The following IFI16 variants were observed in gnomAD, a reference collection of about 807,000 sequenced individuals.
IFI16 encodes interferon gamma inducible protein 16.
Under a neutral mutation model 68.4 loss-of-function variants are expected in IFI16, and 49 were observed. The observed-to-expected ratio is 0.72, with a 90% CI of 0.57 to 0.91. The LOEUF (loss-of-function observed/expected upper bound fraction) is 0.91. IFI16 is among the 40% of genes least tolerant of loss of function. IFI16 has a pLI of 0.00. For missense variants in IFI16, 878 were observed against 942.9 expected, an observed-to-expected ratio of 0.93 and a Z score of 0.90; for synonymous variants, 307 against 315.0, an observed-to-expected ratio of 0.97 and a Z score of 0.27.
chr1:159,054,682 G>A, intron 11 of IFI16, 139 bp from the exon 12 acceptor site: 1 of 546,642 alleles, frequency 1.8e-6, no homozygotes. Flanking sequence ...GGAGATAGAT[G>A]AGAGCGAGAA....
intron 1 of IFI16, among the ~76,000 whole-genome samples, chr1:159,000,857 A>G (rs1461993438): frequency 6.6e-6 from 1 of 152,108 alleles, no homozygotes; most frequent in Non-Finnish European, 1.5e-5. Context: ...CCCCTGGTTG[A>G]TGAGTGAGTT....
intron 1 of IFI16, among the ~76,000 whole-genome samples, chr1:159,012,489 A>C (rs1201494785): frequency 6.6e-6 from 1 of 152,222 alleles, no homozygotes; most frequent in Non-Finnish European, 1.5e-5. Flanking sequence ...AGTGAAATAA[A>C]GATTATACAT....
Position 159,037,527 on chromosome 1 carries a change from T to TA in IFI16, c.1329+4838dup, listed in dbSNP as rs1169876787. 9.8e-5 allele frequency among the ~76,000 whole-genome samples: 15 copies of TA among 152,318 alleles called. 1 individual carries two copies. Among genetic ancestry groups the TA allele is most frequent in the African/African-American group, 2.9e-4 (12 of 41,576 alleles). On this transcript the variant is annotated intron_variant, in intron 7 of 11. Transcript: ENST00000295809. ...CGACTCCTCTAAAGCATAGATCATA[T>TA]AATGCCTGAATCATGATCGGGTATG...
chr1:159,045,204 C>T (rs1408564680), intron 7 of IFI16, 93 bp from the exon 8 acceptor site: 1 of 646,860 alleles, frequency 1.5e-6, no homozygotes. Context: ...AAGTGAACAT[C>T]CTATTTAAAA....
intron 6 of IFI16, among the ~76,000 whole-genome samples, chr1:159,023,757 G>A (rs879793293): frequency 1.3e-5 from 2 of 152,108 alleles, no homozygotes; most frequent in Non-Finnish European, 2.9e-5. Context: ...ACATTTGCTT[G>A]GGGATGGCTA....
At chr1:159,044,614 T>G (rs1329158643) in intron 7 of IFI16, among the ~76,000 whole-genome samples, 1 of 152,196 alleles carries the variant, frequency 6.6e-6, no homozygotes, top group African/African-American at 2.4e-5. Flanking sequence ...TCCATTGGTT[T>G]AATTAAAAGT....
At chr1:159,048,076 G>T (rs1655104790) in intron 8 of IFI16, among the ~76,000 whole-genome samples, 1 of 149,232 alleles carries the variant, frequency 6.7e-6, no homozygotes, top group Non-Finnish European at 1.5e-5. Context: ...ACACATGGCA[G>T]ATCTGAAGAG....
At chr1:159,039,374 C>G (rs1276280374) in intron 7 of IFI16, among the ~76,000 whole-genome samples, 1 of 152,134 alleles carries the variant, frequency 6.6e-6, no homozygotes, top group Non-Finnish European at 1.5e-5. Context: ...GAGATAGAGT[C>G]TCGCTGTCAC....
intron 8 of IFI16, among the ~76,000 whole-genome samples, chr1:159,047,266 A>G (rs1356441481): frequency 2.0e-5 from 3 of 151,002 alleles, no homozygotes; most frequent in East Asian, 3.9e-4. Flanking sequence ...AATTTTTTAG[A>G]CAGTCTTTTT....
At position 159,055,096 on chromosome 1, in the gene IFI16, GCATCTA is replaced by G. The variant is rs1040115166; in HGVS notation, c.*198_*203del. On this transcript the variant is annotated 3_prime_UTR_variant, in exon 12 of 12. Coordinates refer to ENST00000295809, the MANE Select transcript of IFI16 (RefSeq NM_001376587.1). ...TTTTTTTAATAAAATGGCATATTTT[GCATCTA>G]CAACTTCTATAATTTGAAAAAATAA... is the stretch of plus-strand genomic sequence containing the variant. The G allele has an allele frequency of 5.9e-5, 23 of 390,752 alleles. No homozygotes were observed. Among genetic ancestry groups the G allele is most frequent in the African/African-American group, 4.8e-4 (23 of 48,186 alleles). 24.2% of individuals were successfully genotyped at this position (390,752 alleles called of 1,614,324 possible). A position where few individuals can be genotyped will look rare whatever the true frequency, so the allele number is the denominator to read the frequency against.
At chr1:159,038,438 C>T (rs980629916) in intron 7 of IFI16, among the ~76,000 whole-genome samples, 1 of 152,130 alleles carries the variant, frequency 6.6e-6, no homozygotes, top group Non-Finnish European at 1.5e-5. Flanking sequence ...AATCAAAGCT[C>T]ACTGCAACCT....
At chr1:159,046,576 A>G (rs1654998465) in intron 8 of IFI16, among the ~76,000 whole-genome samples, 1 of 151,274 alleles carries the variant, frequency 6.6e-6, no homozygotes, top group South Asian at 2.1e-4. Flanking sequence ...TTCATCCTCT[A>G]CATTCCAGTT....
chr1:159,023,543 A>G (rs1053097897), intron 6 of IFI16, among the ~76,000 whole-genome samples: 9 of 152,318 alleles, frequency 5.9e-5, no homozygotes, highest in African/African-American at 2.2e-4. Context: ...CACTTCTCAT[A>G]GGACCTTAAT....
intron 2 of IFI16, 87 bp downstream of exon 2, chr1:159,015,032 G>T: frequency 7.8e-7 from 1 of 1,284,546 alleles, no homozygotes; most frequent in South Asian, 1.5e-5. Context: ...GGACATACTT[G>T]AGATGTGTTT....
intron 11 of IFI16, 95 bp downstream of exon 11, chr1:159,053,819 C>A: frequency 1.1e-6 from 1 of 935,006 alleles, no homozygotes; most frequent in Non-Finnish European, 1.6e-6. Flanking sequence ...GAGAGTCTAG[C>A]AAGTGGAAAA....
upstream of IFI16, among the ~76,000 whole-genome samples, chr1:159,001,279 G>T (rs1247457127): frequency 6.6e-6 from 1 of 152,146 alleles, no homozygotes. Context: ...TACTTTAAAA[G>T]TAGCAACCTA....
At chr1:159,050,707 C>G (rs959571969) in intron 9 of IFI16, among the ~76,000 whole-genome samples, 1 of 152,100 alleles carries the variant, frequency 6.6e-6, no homozygotes, top group Non-Finnish European at 1.5e-5. Flanking sequence ...TGCTCTCCTA[C>G]AACTCAGAAA....
In IFI16 at chr1:159,048,356, C is replaced by T. The variant is rs891535101; in HGVS notation, c.1498-1076C>T. On this transcript the variant is annotated intron_variant, in intron 8 of 11. Transcript: ENST00000295809. ...TAGTCCCACTTCACATGTGAGAAAA[C>T]TGAGATGCAAAGAAATCTTCCTCAG... 3.3e-5 allele frequency among the ~76,000 whole-genome samples: 5 copies of T among 151,416 alleles called. No homozygotes were observed. The East Asian group carries it at 9.6e-4, about 29-fold the overall frequency.
chr1:159,051,260 C>T (rs752989875), intron 9 of IFI16, among the ~76,000 whole-genome samples: 6 of 152,000 alleles, frequency 3.9e-5, no homozygotes, highest in Admixed American at 6.5e-5. Context: ...GCTGCCTCCA[C>T]GGACCAGCAG....
Sources: gnomAD v4.1 joint callset for allele counts (sites outside exome capture counted in the v4.1 genomes callset) on GRCh38, gnomAD v4.1.1 for gene constraint, MANE v1.5 for transcripts, NCBI Gene and HGNC (gene_info 2026-07-23, HGNC 2026-07-21) for gene names.